DOCK1: variants seen among roughly 807,000 people sequenced by gnomAD.
DOCK1 encodes dedicator of cytokinesis protein 1.
A neutral mutation model predicts 262.7 loss-of-function variants in DOCK1; 138 were observed. The ratio of observed to expected loss-of-function variants is 0.53; its 90% CI spans 0.46 to 0.61. The LOEUF (loss-of-function observed/expected upper bound fraction) is 0.61, where lower values mean the gene tolerates loss of function less well. Among genes scored for constraint, DOCK1 ranks in the 20% least tolerant of loss-of-function variants. DOCK1 has a pLI of 0.00. For missense variants in DOCK1, 1,908 were observed against 2,370.7 expected (o/e 0.80, Z 4.05); for synonymous variants, 866 against 867.4 (o/e 1.00, Z 0.03).
chr10:126,985,642 C>T (rs880761), intron 4 of DOCK1, among the ~76,000 whole-genome samples: 8,977 of 152,230 alleles, frequency 0.059, 287 homozygotes, highest in Middle Eastern at 0.1. Flanking sequence ...AAGATGAAAA[C>T]AGCCCAGTCG....
chr10:127,260,275 G>A (rs1382479236), intron 29 of DOCK1, among the ~76,000 whole-genome samples: 1 of 152,196 alleles, frequency 6.6e-6, no homozygotes, highest in East Asian at 1.9e-4. Flanking sequence ...AAACTCTGGG[G>A]AGAAGCCACA....
intron 10 of DOCK1, among the ~76,000 whole-genome samples, chr10:127,004,550 C>T (rs1361580605): frequency 6.6e-6 from 1 of 151,870 alleles, no homozygotes; most frequent in Non-Finnish European, 1.5e-5. Context: ...CATTCAAGAC[C>T]AGCCTGACAA....
intron 47 of DOCK1, 147 bp from the exon 48 acceptor site, chr10:127,433,136 A>T: frequency 1.8e-6 from 2 of 1,135,226 alleles, no homozygotes; most frequent in Non-Finnish European, 2.5e-6. Context: ...TTTGTCTTCC[A>T]CTCAGAACAA....
At chr10:127,404,178 A>ACCCTCT (rs1346266672) in intron 39 of DOCK1, 147 bp from the exon 40 acceptor site, 12 of 606,476 alleles carry the variant, frequency 2.0e-5, no homozygotes, top group Non-Finnish European at 3.2e-5. Flanking sequence ...AAGCCTCAGT[A>ACCCTCT]CCCTCTCCCA....
chr10:127,373,598 A>G (rs556746668), intron 33 of DOCK1, among the ~76,000 whole-genome samples, 183 bp from the exon 34 acceptor site: 102 of 152,226 alleles, frequency 6.7e-4, no homozygotes, highest in African/African-American at 2.4e-3. Flanking sequence ...AGGTCCCCCT[A>G]TGGCAAGGGA....
At chr10:127,269,676 G>C (rs1472658199) in intron 29 of DOCK1, among the ~76,000 whole-genome samples, 1 of 152,232 alleles carries the variant, frequency 6.6e-6, no homozygotes, top group Non-Finnish European at 1.5e-5. Flanking sequence ...CAGAGCTGCA[G>C]TCCCCAGAGA....
At chr10:127,150,575 C>T (rs2052391855) in intron 27 of DOCK1, among the ~76,000 whole-genome samples, 1 of 152,226 alleles carries the variant, frequency 6.6e-6, no homozygotes, top group African/African-American at 2.4e-5. Flanking sequence ...TCCTGTGACT[C>T]TCTGTCCTTA....
Position 127,410,933 on chromosome 10 carries a change from CA to C in DOCK1, c.4428+12del, listed in dbSNP as rs755678571. 6.2e-7 allele frequency: 1 copy of C among 1,611,554 alleles called. No homozygotes were observed. The highest frequency in any genetic ancestry group is 8.5e-7 in the Non-Finnish European group (1 of 1,178,856). ...CAGACAATGAATTTGCGGTAAAAAA[CA>C]AACAAACCACCAAACCAAACAACAA... is the stretch of plus-strand genomic sequence containing the variant. On this transcript the variant is annotated intron_variant, in intron 43 of 51. Coordinates refer to ENST00000623213, the MANE Select transcript of DOCK1 (RefSeq NM_001290223.2).
chr10:127,070,462 C>G (rs866017814), intron 23 of DOCK1, among the ~76,000 whole-genome samples: 6 of 151,888 alleles, frequency 4.0e-5, no homozygotes, highest in African/African-American at 1.2e-4. Flanking sequence ...CCACATTTGC[C>G]AGGCCGGTCT....
At chr10:127,187,726 G>C (rs1426049022) in intron 27 of DOCK1, among the ~76,000 whole-genome samples, 2 of 125,280 alleles carry the variant, frequency 1.6e-5, no homozygotes, top group South Asian at 3.0e-4. Flanking sequence ...GGAGAAGAAA[G>C]AGAGAAAGAA....
At chr10:126,906,153 C>T (rs1316586228) in intron 1 of DOCK1, among the ~76,000 whole-genome samples, 2 of 152,212 alleles carry the variant, frequency 1.3e-5, no homozygotes, top group African/African-American at 4.8e-5. Flanking sequence ...GGAGAGAAGG[C>T]GAGCGGCCGA....
chr10:127,422,445 G>A (rs928913275), intron 46 of DOCK1, among the ~76,000 whole-genome samples: 1 of 152,092 alleles, frequency 6.6e-6, no homozygotes, highest in Non-Finnish European at 1.5e-5. Flanking sequence ...GATTACAGGT[G>A]TGAGCCACCG....
At position 127,410,869 on chromosome 10, in the gene DOCK1, T is replaced by C; in HGVS notation, c.4373T>C (p.Phe1458Ser). 2 of 1,613,888 alleles carry C rather than the reference T, an allele frequency of 1.2e-6. No homozygotes were observed. Reference sequence around the variant, plus strand: ...TACAGGGTGAACGAGGTCCAGCGATTTGAATATTCTCGGCCAATCCGGAAG... The same window carrying C: ...TACAGGGTGAACGAGGTCCAGCGATCTGAATATTCTCGGCCAATCCGGAAG... Reference protein sequence around the residue: ...SFYRVNEVQRFEYSRPIRKGE... With the variant: ...SFYRVNEVQRSEYSRPIRKGE... Residue 1458 changes from phenylalanine (F) to serine (S), a missense_variant, in exon 43 of 52, where the codon TTT becomes TCT. By Grantham distance (155) the Phe-to-Ser change is radical. Transcript: ENST00000623213.
chr10:127,114,052 C>A (rs1281091220), intron 25 of DOCK1, among the ~76,000 whole-genome samples: 1 of 152,212 alleles, frequency 6.6e-6, no homozygotes, highest in Non-Finnish European at 1.5e-5. Context: ...GATTGCCCTG[C>A]TTAAAAAGCC....
chr10:127,085,754 C>A (rs1178339342), intron 23 of DOCK1, among the ~76,000 whole-genome samples: 1 of 151,352 alleles, frequency 6.6e-6, no homozygotes, highest in Non-Finnish European at 1.5e-5. Context: ...GAGACCCCAT[C>A]TAAAAAAAAA....
chr10:127,434,052 G>A (rs1463522616), intron 48 of DOCK1, among the ~76,000 whole-genome samples: 1 of 151,858 alleles, frequency 6.6e-6, no homozygotes, highest in Non-Finnish European at 1.5e-5. Context: ...AGCTGGTGTG[G>A]TCTGACCATG....
At chr10:126,932,835 A>T (rs911346292) in intron 1 of DOCK1, among the ~76,000 whole-genome samples, 4 of 152,038 alleles carry the variant, frequency 2.6e-5, no homozygotes, top group South Asian at 2.1e-4. Flanking sequence ...ACTTGGGGGA[A>T]CTTTCCCTCA....
chr10:127,350,718 A>G (rs1049076126), intron 31 of DOCK1, among the ~76,000 whole-genome samples: 1 of 152,164 alleles, frequency 6.6e-6, no homozygotes, highest in Non-Finnish European at 1.5e-5. Flanking sequence ...TATCATAGTA[A>G]TATTAATATT....
chr10:126,962,060 C>T (rs894701365), intron 1 of DOCK1, among the ~76,000 whole-genome samples: 4,695 of 152,150 alleles, frequency 0.031, 259 homozygotes, highest in African/African-American at 0.11. Flanking sequence ...TGCAGTGGTG[C>T]GCTCTCGGCT....
Sources: gnomAD v4.1 joint callset for allele counts (sites outside exome capture counted in the v4.1 genomes callset) on GRCh38, gnomAD v4.1.1 for gene constraint, MANE v1.5 for transcripts, NCBI Gene and HGNC (gene_info 2026-07-23, HGNC 2026-07-21) for gene names.